Variants in CNTN5 observed in about 807,000 individuals in gnomAD.
CNTN5 encodes the protein contactin-5.
A neutral mutation model predicts 129.1 loss-of-function variants in CNTN5; 77 were observed. The ratio of observed to expected loss-of-function variants is 0.60; its 90% CI spans 0.50 to 0.72. The LOEUF (loss-of-function observed/expected upper bound fraction) is 0.72, where lower values mean the gene tolerates loss of function less well. Among genes scored for constraint, CNTN5 ranks in the 30% least tolerant of loss-of-function variants. The pLI, the probability that CNTN5 is intolerant of heterozygous loss-of-function variation, is 0.00. For synonymous variants in CNTN5, 509 were observed against 465.6 expected, an observed-to-expected ratio of 1.09 and a Z score of -1.20; for missense variants, 1,478 against 1,328.8, an observed-to-expected ratio of 1.11 and a Z score of -1.75.
chr11:99,869,892 A>G (rs957153455), intron 6 of CNTN5, among the ~76,000 whole-genome samples: 2 of 152,188 alleles, frequency 1.3e-5, no homozygotes, highest in East Asian at 3.9e-4. Flanking sequence ...AAAATTTTCC[A>G]GAAAGTTTTG....
At chr11:99,955,190 G>A (rs1221557894) in intron 7 of CNTN5, among the ~76,000 whole-genome samples, 1 of 150,890 alleles carries the variant, frequency 6.6e-6, no homozygotes, top group African/African-American at 2.4e-5. Flanking sequence ...AAAAATATAT[G>A]AATTATGTGT....
intron 19 of CNTN5, 56 bp downstream of exon 19, chr11:100,297,751 G>A: frequency 7.8e-7 from 1 of 1,287,228 alleles, no homozygotes; most frequent in South Asian, 1.3e-5. Flanking sequence ...GGCTTAGTGT[G>A]ATATTTAATT....
intron 1 of CNTN5, among the ~76,000 whole-genome samples, chr11:99,227,677 A>G (rs1860764713): frequency 6.6e-6 from 1 of 152,214 alleles, no homozygotes; most frequent in South Asian, 2.1e-4. Flanking sequence ...GGGGCTTAAT[A>G]TAAAATGTAT....
chr11:99,877,398 A>G (rs1035686005), intron 6 of CNTN5, among the ~76,000 whole-genome samples: 2 of 152,166 alleles, frequency 1.3e-5, no homozygotes, highest in Non-Finnish European at 2.9e-5. Context: ...ATCAACAGTG[A>G]CATATGCAAG....
chr11:100,320,501 C>T (rs764834491), intron 21 of CNTN5, among the ~76,000 whole-genome samples: 37 of 151,950 alleles, frequency 2.4e-4, no homozygotes, highest in Admixed American at 1.2e-3. Flanking sequence ...TTTTTTTTCA[C>T]TCTGTTGATT....
At chr11:99,265,210 G>GA (rs764086439) in intron 1 of CNTN5, among the ~76,000 whole-genome samples, 147 of 107,114 alleles carry the variant, frequency 1.4e-3, no homozygotes, top group Non-Finnish European at 2.5e-3. Flanking sequence ...TAATATTGCA[G>GA]AAAAAATGTT....
intron 1 of CNTN5, among the ~76,000 whole-genome samples, chr11:99,211,637 G>C (rs200260211): frequency 8.6e-6 from 1 of 116,116 alleles, no homozygotes; most frequent in African/African-American, 3.2e-5. Context: ...TCTTATTTTA[G>C]GTTCTTATTT....
At chr11:100,068,156 C>T (rs982648470) in intron 10 of CNTN5, among the ~76,000 whole-genome samples, 3 of 152,110 alleles carry the variant, frequency 2.0e-5, no homozygotes, top group South Asian at 2.1e-4. Context: ...GACACTGTTT[C>T]GCCTAACATT....
chr11:99,668,532 G>A (rs2135938747), intron 3 of CNTN5, among the ~76,000 whole-genome samples: 1 of 152,292 alleles, frequency 6.6e-6, no homozygotes. Flanking sequence ...TGTGGAAGAA[G>A]CTTTGTTTCC....
chr11:99,218,979 T>C (rs1860264923), intron 1 of CNTN5, among the ~76,000 whole-genome samples: 1 of 152,024 alleles, frequency 6.6e-6, no homozygotes, highest in South Asian at 2.1e-4. Context: ...TAGAAGACGC[T>C]TAGATTTTGA....
chr11:99,239,909 C>A (rs556935591), intron 1 of CNTN5, among the ~76,000 whole-genome samples: 21 of 148,954 alleles, frequency 1.4e-4, no homozygotes, highest in East Asian at 9.8e-4. Flanking sequence ...TGTGCTCCAG[C>A]CTGGGCGACA....
intron 3 of CNTN5, among the ~76,000 whole-genome samples, chr11:99,739,769 T>C (rs561718600): frequency 6.6e-6 from 1 of 152,312 alleles, no homozygotes; most frequent in Non-Finnish European, 1.5e-5. Context: ...GAGATTTTTG[T>C]AGCGATGCAT....
At chr11:99,778,247 G>A (rs1285914963) in intron 3 of CNTN5, among the ~76,000 whole-genome samples, 2 of 151,528 alleles carry the variant, frequency 1.3e-5, no homozygotes, top group African/African-American at 4.8e-5. Context: ...CACAACTCAG[G>A]TTTTCAGACT....
chr11:100,285,615 A>T (rs1285752234), intron 18 of CNTN5, among the ~76,000 whole-genome samples: 3 of 152,210 alleles, frequency 2.0e-5, no homozygotes, highest in African/African-American at 7.2e-5. Context: ...CTATGCTAAC[A>T]CATTTTTCCA....
intron 23 of CNTN5, among the ~76,000 whole-genome samples, chr11:100,343,925 C>A (rs1039648611): frequency 6.6e-6 from 1 of 152,076 alleles, no homozygotes. Flanking sequence ...ACACAGGACA[C>A]TAATCATTTC....
intron 1 of CNTN5, among the ~76,000 whole-genome samples, chr11:99,180,641 C>T (rs563739385): frequency 4.6e-5 from 7 of 152,128 alleles, no homozygotes; most frequent in Non-Finnish European, 8.8e-5. Flanking sequence ...TGTTTGTGTC[C>T]ATGTTCAATT....
intron 4 of CNTN5, among the ~76,000 whole-genome samples, chr11:99,832,490 C>G (rs1947173803): frequency 6.6e-6 from 1 of 152,160 alleles, no homozygotes; most frequent in South Asian, 2.1e-4. Flanking sequence ...ATGAAACATT[C>G]ATCAATATGC....
intron 17 of CNTN5, among the ~76,000 whole-genome samples, chr11:100,267,674 G>A (rs1950333854): frequency 2.0e-5 from 3 of 152,222 alleles, no homozygotes; most frequent in South Asian, 4.1e-4. Context: ...GCAGAATGAG[G>A]TTTAGGGAGA....
chr11:99,235,974 A>C (rs2135742553), intron 1 of CNTN5, among the ~76,000 whole-genome samples: 1 of 152,364 alleles, frequency 6.6e-6, no homozygotes, highest in Non-Finnish European at 1.5e-5. Flanking sequence ...ATTCTTAAAA[A>C]TAATAATAAA....
Sources: gnomAD v4.1 joint callset for allele counts (sites outside exome capture counted in the v4.1 genomes callset) on GRCh38, gnomAD v4.1.1 for gene constraint, MANE v1.5 for transcripts, NCBI Gene and HGNC (gene_info 2026-07-23, HGNC 2026-07-21) for gene names.